The following VWF variants were observed in gnomAD, a reference collection of about 807,000 sequenced individuals.
The protein encoded by VWF is Factor VIII related antigen.
In VWF, 176 loss-of-function variants were observed where a neutral mutation model predicts 308.6. The ratio of observed to expected loss-of-function variants is 0.57; its 90% CI spans 0.50 to 0.65. VWF has a LOEUF of 0.65. Among genes scored for constraint, VWF ranks in the 30% least tolerant of loss-of-function variants. The pLI is 0.00. For missense variants in VWF, 3,146 were observed against 3,648.2 expected, an observed-to-expected ratio of 0.86 and a Z score of 3.55; for synonymous variants, 1,385 against 1,443.4, an observed-to-expected ratio of 0.96 and a Z score of 0.92.
At position 6,022,786 on chromosome 12, in the gene VWF, G is replaced by C; in HGVS notation, c.3492C>G (p.Ala1164=). 1 of 528,904 alleles carries C rather than the reference G, an allele frequency of 1.9e-6. No homozygotes were observed. Among genetic ancestry groups the C allele is most frequent in the Non-Finnish European group, 3.2e-6 (1 of 310,676 alleles). The allele number at this position is 528,904 out of a possible 1,614,324, so 32.8% of individuals were successfully genotyped here. Residue 1164 remains alanine (A), a synonymous_variant, in exon 26 of 52, where the codon GCC becomes GCG. Transcript: ENST00000261405. The part of the protein sequence containing the change: ...QVTCQHPEPL[A]CPVQCVEGCH... Reference sequence around the variant, plus strand: ...AGCCCTCCACACACTGCACAGGGCAGGCCAGTGGCTCAGGGTGCTGACACG... The same window carrying C: ...AGCCCTCCACACACTGCACAGGGCACGCCAGTGGCTCAGGGTGCTGACACG...
chr12:5,956,556 T>C (rs887695288), intron 47 of VWF, among the ~76,000 whole-genome samples: 15 of 151,330 alleles, frequency 9.9e-5, no homozygotes, highest in African/African-American at 3.6e-4. Flanking sequence ...GGCAGGAGGA[T>C]CAGTTGATCC....
At chr12:6,114,519 C>T (rs1026828306) in intron 3 of VWF, among the ~76,000 whole-genome samples, 2 of 152,120 alleles carry the variant, frequency 1.3e-5, no homozygotes, top group South Asian at 4.1e-4. Context: ...GAAGGAGAGC[C>T]CCAGCCCTCC....
Position 6,058,409 on chromosome 12 carries a change from C to G in VWF, c.1534-365G>C, listed in dbSNP as rs1056910232. Among the ~76,000 whole-genome samples, 1 of 152,156 alleles carries G rather than the reference C, an allele frequency of 6.6e-6. No homozygotes were observed. The highest frequency in any genetic ancestry group is 1.5e-5 in the Non-Finnish European group (1 of 68,026). On this transcript the variant is annotated intron_variant, in intron 13 of 51. Transcript: ENST00000261405. The surrounding 1 kb of genome is among the most constrained non-coding windows in gnomAD (Gnocchi z 4.9). The stretch of plus-strand genomic sequence containing the variant: ...GTGAGTAGGCAGGTTGAGCCCAGCC[C>G]GAAGCACTCTGCCCTCTGTGCCATC...
At position 5,996,217 on chromosome 12, in the gene VWF, A is replaced by T; in HGVS notation, c.5848T>A (p.Cys1950Ser). ...ATGTGCCGAGTGGAGCTGCCTGTGC[A>T]CACGCCTGGACAGAGAGAAGCAGAG... ...CGCRWTCPCV[C>S]TGSSTRHIVT... Residue 1950 changes from cysteine to serine, a missense_variant, in exon 35 of 52, where the codon TGC (cysteine) becomes AGC (serine). Transcript: ENST00000261405. 1.2e-6 allele frequency: 2 copies of T among 1,611,442 alleles called. No individual in the cohort carries two copies. The highest frequency in any genetic ancestry group is 1.7e-6 in the Non-Finnish European group (2 of 1,178,900).
chr12:6,006,593 C>T (rs760138483), intron 34 of VWF, among the ~76,000 whole-genome samples: 3 of 152,114 alleles, frequency 2.0e-5, no homozygotes, highest in Non-Finnish European at 4.4e-5. Context: ...TCCTGGCTAA[C>T]ATGGTGAAAC....
intron 3 of VWF, among the ~76,000 whole-genome samples, chr12:6,111,258 T>A (rs1945304961): frequency 6.6e-6 from 1 of 152,186 alleles, no homozygotes; most frequent in Admixed American, 6.5e-5. Context: ...GTTTACAACC[T>A]GCGTATAAAT....
At position 6,044,458 on chromosome 12, in the gene VWF, G is replaced by C. The variant is rs954147288; in HGVS notation, c.2282-7C>G. On this transcript the variant is annotated splice_region_variant and splice_polypyrimidine_tract_variant and intron_variant, in intron 17 of 51. Coordinates refer to ENST00000261405, the MANE Select transcript of VWF (RefSeq NM_000552.5). ...CAGGATAGGCTCCTTTTGCCTCGAA[G>C]GTAGGAAAAGCAAAGAGATGATTAG... is the stretch of plus-strand genomic sequence containing the variant. The C allele has an allele frequency of 6.2e-6, 10 of 1,613,852 alleles. No homozygotes were observed. In the East Asian group the frequency reaches 2.2e-4, roughly 36 times the overall value.
chr12:5,959,222 T>A (rs939478073), intron 47 of VWF, among the ~76,000 whole-genome samples: 1 of 151,782 alleles, frequency 6.6e-6, no homozygotes, highest in African/African-American at 2.4e-5. Flanking sequence ...AATAAATAAA[T>A]AAAAAATAAA....
In VWF at chr12:5,959,811, T is replaced by C. The variant is rs1229518397; in HGVS notation, c.7888-6217A>G. 4.0e-5 allele frequency among the ~76,000 whole-genome samples: 6 copies of C among 151,788 alleles called. No homozygotes were observed. In the South Asian group the frequency reaches 1.0e-3, roughly 26 times the overall value. ...TAACTAGCGGTAATAAAAAACAATATATCAAAATCTGAGGAGTACAGCAAA... is the reference window on the plus strand; with the variant it reads ...TAACTAGCGGTAATAAAAAACAATACATCAAAATCTGAGGAGTACAGCAAA... On this transcript the variant is annotated intron_variant, in intron 47 of 51. Coordinates refer to ENST00000261405, the MANE Select transcript of VWF (RefSeq NM_000552.5).
chr12:5,968,572 G>A (rs1227320596), intron 45 of VWF, among the ~76,000 whole-genome samples: 1 of 152,188 alleles, frequency 6.6e-6, no homozygotes, highest in Non-Finnish European at 1.5e-5. Context: ...GAGGTGGGCA[G>A]ATCACTTGAG....
chr12:6,057,296 G>C (rs1944591038), intron 14 of VWF, among the ~76,000 whole-genome samples: 1 of 150,088 alleles, frequency 6.7e-6, no homozygotes. Context: ...AAGGTCGAAG[G>C]ACGGGGACTA....
chr12:5,985,501 T>TG, intron 39 of VWF, 62 bp downstream of exon 39: 2 of 1,535,434 alleles, frequency 1.3e-6, no homozygotes, highest in East Asian at 2.3e-5. Flanking sequence ...GATGGGTGGC[T>TG]GGGGGGCCTT....
At chr12:6,008,508 G>A (rs543195127) in intron 34 of VWF, among the ~76,000 whole-genome samples, 1 of 152,186 alleles carries the variant, frequency 6.6e-6, no homozygotes, top group South Asian at 2.1e-4. Flanking sequence ...ACTAAGAATA[G>A]AAGAAAATTA....
In VWF at chr12:6,024,100, G is replaced by C. The variant is rs1244938594; in HGVS notation, c.3223-313C>G. ...TACCTCCCTGCTCAGCCACCCATCT[G>C]TCCTCACAACCCACTCTTAGCCTCA... On this transcript the variant is annotated intron_variant, in intron 24 of 51. Transcript: ENST00000261405. The surrounding 1 kb of genome is among the most constrained non-coding windows in gnomAD (Gnocchi z 4.0). Among the ~76,000 whole-genome samples, 1 of 152,186 alleles carries C rather than the reference G, an allele frequency of 6.6e-6. No individual in the cohort carries two copies. Among genetic ancestry groups the C allele is most frequent in the African/African-American group, 2.4e-5 (1 of 41,444 alleles).
At chr12:5,953,688 A>C in intron 47 of VWF, 94 bp from the exon 48 acceptor site, 1 of 946,652 alleles carries the variant, frequency 1.1e-6, no homozygotes, top group Non-Finnish European at 1.7e-6. Context: ...CATCTCTCTC[A>C]TCCAGTAGTT....
rs2236774 is a variant in VWF at position 5,982,852 on chromosome 12, G to T, written c.7081+298C>A. ...TTGATGACATACAGGAGGATGGGCA[G>T]AAATAAAGATTAGATTCGGAGGCCT... On this transcript the variant is annotated intron_variant, in intron 41 of 51. Transcript: ENST00000261405. 0.083 allele frequency among the ~76,000 whole-genome samples: 11,471 copies of T among 138,186 alleles called. 631 individuals are homozygous for T. The highest frequency in any genetic ancestry group is 0.26 in the East Asian group (1,301 of 5,032). 90.7% of individuals were successfully genotyped at this position (138,186 alleles called of 152,430 possible). A position where few individuals can be genotyped will look rare whatever the true frequency, so the allele number is the denominator to read the frequency against.
At chr12:5,953,181 C>T (rs61908457) in intron 48 of VWF, among the ~76,000 whole-genome samples, 18,987 of 151,742 alleles carry the variant, frequency 0.13, 1,352 homozygotes, top group East Asian at 0.18. Context: ...GAGCCGAGAT[C>T]GTGACATTGC....
chr12:6,025,852 G>A lies in VWF; in HGVS notation c.3108+54C>T. The A allele has an allele frequency of 3.7e-6, 6 of 1,613,062 alleles. No homozygotes were observed. The South Asian group carries it at 5.5e-5, about 15-fold the overall frequency. ...GCCCCCATGACAATGGGGACAGAGGGACATTCCAGGAAGCAAGCTCTAGGG... is the reference window on the plus strand; with the variant it reads ...GCCCCCATGACAATGGGGACAGAGGAACATTCCAGGAAGCAAGCTCTAGGG... On this transcript the variant is annotated intron_variant, in intron 23 of 51. Transcript: ENST00000261405.
chr12:6,115,586 C>T (rs1945354918), intron 3 of VWF, among the ~76,000 whole-genome samples: 2 of 152,188 alleles, frequency 1.3e-5, no homozygotes, highest in African/African-American at 4.8e-5. Context: ...CTAGTTATAA[C>T]CACTCAACTC....
Sources: gnomAD v4.1 joint callset for allele counts (sites outside exome capture counted in the v4.1 genomes callset) on GRCh38, gnomAD v4.1.1 for gene constraint, Gnocchi (gnomAD v3.1) non-coding constraint, MANE v1.5 for transcripts, NCBI Gene and HGNC (gene_info 2026-07-23, HGNC 2026-07-21) for gene names.